Variants in RAD51C observed in about 807,000 individuals in gnomAD.
RAD51C encodes RAD51 paralog C.
In RAD51C, 42 loss-of-function variants were observed where a neutral mutation model predicts 45.0. That is an observed-to-expected ratio of 0.93 (90% confidence interval 0.73 to 1.21). The LOEUF is 1.21. RAD51C is among the 50% of genes most tolerant of loss of function. The pLI, the probability that RAD51C is intolerant of heterozygous loss-of-function variation, is 0.00. For synonymous variants in RAD51C, 172 were observed against 159.8 expected, an observed-to-expected ratio of 1.08 and a Z score of -0.58; for missense variants, 474 against 452.2, an observed-to-expected ratio of 1.05 and a Z score of -0.44.
intron 3 of RAD51C, among the ~76,000 whole-genome samples, chr17:58,699,676 A>G (rs952559033): frequency 3.9e-5 from 6 of 152,204 alleles, no homozygotes; most frequent in Non-Finnish European, 8.8e-5. Flanking sequence ...TTACAGGAAG[A>G]CAAAAGTTAA....
At chr17:58,723,974 G>A (rs2143959707) in intron 6 of RAD51C, 66 bp from the exon 7 acceptor site, 1 of 1,312,490 alleles carries the variant, frequency 7.6e-7, no homozygotes, top group African/African-American at 1.5e-5. Context: ...TTGATCAGAG[G>A]CGTTCTGAGA....
intron 8 of RAD51C, among the ~76,000 whole-genome samples, chr17:58,733,731 T>C (rs964421722): frequency 6.6e-6 from 1 of 152,226 alleles, no homozygotes; most frequent in Non-Finnish European, 1.5e-5. Context: ...AACTTTCTTT[T>C]TTTTTGAGAC....
chr17:58,733,982 C>A (rs1448198091), intron 8 of RAD51C, 136 bp from the exon 9 acceptor site: 1 of 1,347,116 alleles, frequency 7.4e-7, no homozygotes, highest in Non-Finnish European at 1.0e-6. Flanking sequence ...TCCCAAAGTG[C>A]TGGGATTACA....
At chr17:58,699,076 A>C (rs1344406058) in intron 3 of RAD51C, among the ~76,000 whole-genome samples, 1 of 151,564 alleles carries the variant, frequency 6.6e-6, no homozygotes, top group East Asian at 2.0e-4. Flanking sequence ...GCATGATCTC[A>C]GCTCACTGCA....
intron 7 of RAD51C, among the ~76,000 whole-genome samples, chr17:58,731,259 T>G (rs2049406598): frequency 1.1e-5 from 1 of 87,846 alleles, no homozygotes; most frequent in Admixed American, 1.1e-4. Context: ...TTAAAAGCAG[T>G]TTTTTTTTTT....
chr17:58,720,463 A>ATTAT (rs759702380), intron 5 of RAD51C, among the ~76,000 whole-genome samples: 104 of 151,522 alleles, frequency 6.9e-4, no homozygotes, highest in African/African-American at 1.7e-3. Context: ...TGTTTACTTG[A>ATTAT]TTATTTATTT....
At chr17:58,701,760 G>A (rs1296652023) in intron 3 of RAD51C, among the ~76,000 whole-genome samples, 5 of 151,540 alleles carry the variant, frequency 3.3e-5, no homozygotes, top group South Asian at 2.1e-4. Flanking sequence ...TAGTCGAGAT[G>A]TGTTTTACCA....
chr17:58,723,988 G>A (rs2143959963), intron 6 of RAD51C, 52 bp from the exon 7 acceptor site: 2 of 1,464,474 alleles, frequency 1.4e-6, no homozygotes, highest in South Asian at 1.1e-5. Flanking sequence ...TCTGAGAAAT[G>A]TATAACCAAG....
chr17:58,733,018 T>G (rs956263089), intron 8 of RAD51C, among the ~76,000 whole-genome samples: 1 of 152,194 alleles, frequency 6.6e-6, no homozygotes, highest in African/African-American at 2.4e-5. Context: ...AATATATTTT[T>G]GGCATCTCTT....
At chr17:58,697,059 G>T (rs762385165) in intron 3 of RAD51C, among the ~76,000 whole-genome samples, 200 bp downstream of exon 3, 3 of 151,868 alleles carry the variant, frequency 2.0e-5, no homozygotes, top group Non-Finnish European at 4.4e-5. Context: ...CCCCTTTTAT[G>T]GCCCTCACTT....
At chr17:58,707,658 T>G (rs1393932840) in intron 4 of RAD51C, among the ~76,000 whole-genome samples, 4 of 152,200 alleles carry the variant, frequency 2.6e-5, no homozygotes, top group African/African-American at 9.7e-5. Context: ...TAGTAGTACC[T>G]TGCTTCTCTC....
At chr17:58,706,390 A>C (rs1182379861) in intron 4 of RAD51C, 1 of 265,226 alleles carries the variant, frequency 3.8e-6, no homozygotes, top group Non-Finnish European at 8.2e-6. Flanking sequence ...AGATCATGCC[A>C]CTGCACTCCA....
chr17:58,705,534 A>G (rs2048350889), intron 4 of RAD51C, among the ~76,000 whole-genome samples: 1 of 151,988 alleles, frequency 6.6e-6, no homozygotes, highest in African/African-American at 2.4e-5. Flanking sequence ...GGGTTTCCCC[A>G]TGTTGGCCAA....
intron 5 of RAD51C, among the ~76,000 whole-genome samples, chr17:58,713,976 GTCTC>G (rs759978971): frequency 1.3e-5 from 2 of 151,138 alleles, no homozygotes; most frequent in South Asian, 2.1e-4. Context: ...CTTATTGATG[GTCTC>G]TCTCTTTTTT....
intron 7 of RAD51C, among the ~76,000 whole-genome samples, chr17:58,728,450 T>C (rs1598523635): frequency 1.3e-5 from 2 of 148,532 alleles, no homozygotes; most frequent in Admixed American, 1.4e-4. Flanking sequence ...CAGGCTAGAG[T>C]GCAGTGGTGC....
chr17:58,711,004 T>A (rs2048539886), intron 5 of RAD51C, among the ~76,000 whole-genome samples: 1 of 152,208 alleles, frequency 6.6e-6, no homozygotes, highest in African/African-American at 2.4e-5. Flanking sequence ...AAGAACTTCC[T>A]CAGTAAAGTC....
At position 58,717,407 on chromosome 17, in the gene RAD51C, G is replaced by A. The variant is rs370212304; in HGVS notation, c.838-3339G>A. Among the ~76,000 whole-genome samples, 27 of 152,068 alleles carry A rather than the reference G, an allele frequency of 1.8e-4. No homozygotes were observed. The South Asian group carries it at 5.2e-3, about 29-fold the overall frequency. Reference sequence around the variant, plus strand: ...ATTGTGTCATTGCCCCCCAGCCTGGGTGACAGAGTGAGACCCCATTTCTAA... The same window carrying A: ...ATTGTGTCATTGCCCCCCAGCCTGGATGACAGAGTGAGACCCCATTTCTAA... On this transcript the variant is annotated intron_variant, in intron 5 of 8. Transcript: ENST00000337432.
chr17:58,718,403 CTT>C (rs910350767), intron 5 of RAD51C, among the ~76,000 whole-genome samples: 10 of 152,060 alleles, frequency 6.6e-5, no homozygotes, highest in African/African-American at 2.4e-4. Context: ...AATATTAACT[CTT>C]TTTTTCTGGA....
At chr17:58,734,014 C>T (rs2049554372) in intron 8 of RAD51C, 104 bp from the exon 9 acceptor site, 9 of 1,510,568 alleles carry the variant, frequency 6.0e-6, no homozygotes, top group Non-Finnish European at 8.0e-6. Flanking sequence ...CTGCGCCTGG[C>T]CCTAGAATAA....
Sources: gnomAD v4.1 joint callset for allele counts (sites outside exome capture counted in the v4.1 genomes callset) on GRCh38, gnomAD v4.1.1 for gene constraint, MANE v1.5 for transcripts, NCBI Gene and HGNC (gene_info 2026-07-23, HGNC 2026-07-21) for gene names.